The following PLCL1 variants were observed in gnomAD, a reference collection of about 807,000 sequenced individuals.
The protein encoded by PLCL1 is phospholipase C like 1 (inactive).
PLCL1 carries 41 observed loss-of-function variants against 84.4 expected under a neutral mutation model. That is an observed-to-expected ratio of 0.49 (90% confidence interval 0.38 to 0.63). The LOEUF is 0.63. Ranked by LOEUF, PLCL1 falls within the 30% of genes least tolerant of loss-of-function variation. PLCL1 has a pLI of 0.00. For missense variants in PLCL1, 1,206 were observed against 1,367.8 expected (o/e 0.88, Z 1.87); for synonymous variants, 490 against 488.3 (o/e 1.00, Z -0.05).
At chr2:198,012,241 G>A (rs1559073449) in intron 1 of PLCL1, among the ~76,000 whole-genome samples, 1 of 152,132 alleles carries the variant, frequency 6.6e-6, no homozygotes, top group Non-Finnish European at 1.5e-5. Context: ...ATACCCAGGG[G>A]CAATGGGGAT....
At position 198,082,980 on chromosome 2, in the gene PLCL1, T is replaced by C. The variant is rs141356178; in HGVS notation, c.241-778T>C. ...TAAGATCCAAGGACACTTCCAGAAA[T>C]GGCATTTACAAGGTGCAAGTGTTCC... On this transcript the variant is annotated intron_variant, in intron 1 of 5. Transcript: ENST00000428675. 6.8e-4 allele frequency among the ~76,000 whole-genome samples: 103 copies of C among 152,258 alleles called. 3 individuals are homozygous for C. The South Asian group carries it at 0.013, about 20-fold the overall frequency.
intron 5 of PLCL1, among the ~76,000 whole-genome samples, chr2:198,120,020 G>A (rs936672580): frequency 3.3e-5 from 5 of 151,968 alleles, no homozygotes; most frequent in Non-Finnish European, 7.4e-5. Flanking sequence ...TTCATATTGG[G>A]CGTTGTGTCC....
At chr2:197,983,027 A>G (rs776317622) in intron 1 of PLCL1, among the ~76,000 whole-genome samples, 2 of 151,896 alleles carry the variant, frequency 1.3e-5, no homozygotes, top group Non-Finnish European at 2.9e-5. Context: ...GATAGATTTT[A>G]GTTCATTATT....
intron 1 of PLCL1, among the ~76,000 whole-genome samples, chr2:198,060,011 G>A (rs542984472): frequency 4.7e-4 from 71 of 152,212 alleles, no homozygotes; most frequent in African/African-American, 1.6e-3. Context: ...TTATGGGCCT[G>A]GGATGTCCCC....
intron 5 of PLCL1, among the ~76,000 whole-genome samples, chr2:198,133,135 A>C (rs1016750989): frequency 2.0e-5 from 3 of 151,948 alleles, no homozygotes; most frequent in Non-Finnish European, 2.9e-5. Flanking sequence ...CCAAATGTCC[A>C]ACAATGATAG....
intron 1 of PLCL1, among the ~76,000 whole-genome samples, chr2:197,818,642 T>C (rs1690741370): frequency 6.6e-6 from 1 of 152,142 alleles, no homozygotes; most frequent in Non-Finnish European, 1.5e-5. Flanking sequence ...TAGCTGGGAC[T>C]ACAGCACATG....
chr2:197,994,743 A>T (rs1690423067), intron 1 of PLCL1, among the ~76,000 whole-genome samples: 1 of 152,240 alleles, frequency 6.6e-6, no homozygotes, highest in South Asian at 2.1e-4. Context: ...TTTCCTTGGC[A>T]TAAATAATTT....
At chr2:197,931,690 ACCC>A (rs1688937410) in intron 1 of PLCL1, among the ~76,000 whole-genome samples, 5 of 20,740 alleles carry the variant, frequency 2.4e-4, no homozygotes, top group Non-Finnish European at 1.0e-4. Context: ...CCACCCACCC[ACCC>A]ACCCACCCAA....
Position 198,146,980 on chromosome 2 carries a change from A to G in PLCL1, c.*18A>G. On this transcript the variant is annotated 3_prime_UTR_variant, in exon 6 of 6. Coordinates refer to ENST00000428675, the MANE Select transcript of PLCL1 (RefSeq NM_006226.4). ...AGCTGTGACTCTGGGCATTATCGACACGTTCACCCATCTTATCAAGGACTC... is the reference window on the plus strand; with the variant it reads ...AGCTGTGACTCTGGGCATTATCGACGCGTTCACCCATCTTATCAAGGACTC... 2 of 1,556,662 alleles carry G rather than the reference A, an allele frequency of 1.3e-6. No individual in the cohort carries two copies. The highest frequency in any genetic ancestry group is 1.7e-6 in the Non-Finnish European group (2 of 1,147,330).
intron 5 of PLCL1, among the ~76,000 whole-genome samples, chr2:198,127,011 T>G (rs1434287): frequency 0.18 from 9,594 of 54,174 alleles, 454 homozygotes; most frequent in Middle Eastern, 0.3. Context: ...TGTGTGTGTG[T>G]GGGGGGTGGT....
At chr2:197,907,453 G>C (rs928391730) in intron 1 of PLCL1, among the ~76,000 whole-genome samples, 1 of 152,112 alleles carries the variant, frequency 6.6e-6, no homozygotes, top group Non-Finnish European at 1.5e-5. Flanking sequence ...GGCCAGGCTG[G>C]TCTTGAACTC....
At chr2:198,106,525 A>T (rs1693478621) in intron 5 of PLCL1, among the ~76,000 whole-genome samples, 1 of 151,874 alleles carries the variant, frequency 6.6e-6, no homozygotes, top group Admixed American at 6.6e-5. Flanking sequence ...ATAACCCTAG[A>T]TTATAATGTG....
chr2:197,940,540 A>G lies in PLCL1; in HGVS notation c.240+135201A>G, dbSNP rs141930786. On this transcript the variant is annotated intron_variant, in intron 1 of 5. Transcript: ENST00000428675. ...TAAAGCCACTTATCTGGCATTTTTCATTAAGGCTTGACAACAGCTGGCTGC... is the reference window on the plus strand; with the variant it reads ...TAAAGCCACTTATCTGGCATTTTTCGTTAAGGCTTGACAACAGCTGGCTGC... Among the ~76,000 whole-genome samples the G allele has an allele frequency of 6.6e-4, 101 of 152,318 alleles. No homozygotes were observed. The East Asian group carries it at 0.018, about 26-fold the overall frequency.
chr2:197,960,907 G>A (rs562769025), intron 1 of PLCL1, among the ~76,000 whole-genome samples: 14 of 152,046 alleles, frequency 9.2e-5, no homozygotes, highest in Middle Eastern at 3.4e-3. Flanking sequence ...AAAGTAATTC[G>A]GTAATGTTAG....
At chr2:198,092,801 A>G (rs1180485637) in intron 3 of PLCL1, among the ~76,000 whole-genome samples, 2 of 152,086 alleles carry the variant, frequency 1.3e-5, no homozygotes, top group African/African-American at 2.4e-5. Context: ...TTACTCCTCA[A>G]TTTGAATGTA....
intron 1 of PLCL1, among the ~76,000 whole-genome samples, chr2:197,872,742 G>A (rs1687670530): frequency 6.6e-6 from 1 of 152,082 alleles, no homozygotes; most frequent in Non-Finnish European, 1.5e-5. Flanking sequence ...GATTACAATT[G>A]TAATTATATT....
intron 1 of PLCL1, among the ~76,000 whole-genome samples, chr2:198,052,568 T>G (rs1691964584): frequency 6.6e-6 from 1 of 152,128 alleles, no homozygotes; most frequent in Admixed American, 6.5e-5. Context: ...GACATAAATT[T>G]TGGAAGCATT....
At chr2:197,925,912 T>C (rs1438532207) in intron 1 of PLCL1, among the ~76,000 whole-genome samples, 1 of 152,210 alleles carries the variant, frequency 6.6e-6, no homozygotes, top group Admixed American at 6.5e-5. Flanking sequence ...TTGTAGCACA[T>C]CTGTCCTTTC....
chr2:197,816,012 G>T (rs2106416422), intron 1 of PLCL1, among the ~76,000 whole-genome samples: 1 of 152,292 alleles, frequency 6.6e-6, no homozygotes, highest in East Asian at 1.9e-4. Flanking sequence ...AGCAGCAGCA[G>T]GGTTCAAGAG....
Sources: gnomAD v4.1 joint callset for allele counts (sites outside exome capture counted in the v4.1 genomes callset) on GRCh38, gnomAD v4.1.1 for gene constraint, MANE v1.5 for transcripts, NCBI Gene and HGNC (gene_info 2026-07-23, HGNC 2026-07-21) for gene names.